The following SOX2 variants were observed in gnomAD, a reference collection of about 807,000 sequenced individuals.
SOX2 encodes transcription factor SOX-2.
Under a neutral mutation model 19.7 loss-of-function variants are expected in SOX2, and 2 were observed. That is an observed-to-expected ratio of 0.10 (90% CI 0.04 to 0.32). The LOEUF (loss-of-function observed/expected upper bound fraction) is 0.32. Ranked by LOEUF, SOX2 falls within the 10% of genes least tolerant of loss-of-function variation. SOX2 has a pLI of 1.00. For synonymous variants in SOX2, 211 were observed against 196.8 expected, an observed-to-expected ratio of 1.07 and a Z score of -0.60; for missense variants, 294 against 459.9, an observed-to-expected ratio of 0.64 and a Z score of 3.30.
In SOX2 at chr3:181,713,376, G is replaced by A. The variant is rs2108524060; in HGVS notation, c.*62G>A. On this transcript the variant is annotated 3_prime_UTR_variant, in exon 1 of 1. Transcript: ENST00000325404. ...AAAGAAAAACGAGGGAAATGGGAGGGGTGCAAAAGAGGAGAGTAAGAAACA... is the reference window on the plus strand; with the variant it reads ...AAAGAAAAACGAGGGAAATGGGAGGAGTGCAAAAGAGGAGAGTAAGAAACA... 6.5e-7 allele frequency: 1 copy of A among 1,547,954 alleles called. No individual in the cohort carries two copies. The highest frequency in any genetic ancestry group is 8.7e-7 in the Non-Finnish European group (1 of 1,144,726).
chr3:181,713,481 A>G lies in SOX2; in HGVS notation c.*167A>G, dbSNP rs1714893519. 1.1e-6 allele frequency: 1 copy of G among 908,930 alleles called. No individual in the cohort carries two copies. Among genetic ancestry groups the G allele is most frequent in the Admixed American group, 2.6e-5 (1 of 38,678 alleles). The allele number at this position is 908,930 out of a possible 1,614,324, so 56.3% of individuals were successfully genotyped here. On this transcript the variant is annotated 3_prime_UTR_variant, in exon 1 of 1. Transcript: ENST00000325404. ...CACCCACAGCAAATGACAGCTGCAAAAGAGAACACCAATCCCATCCACACT... is the reference window on the plus strand; with the variant it reads ...CACCCACAGCAAATGACAGCTGCAAGAGAGAACACCAATCCCATCCACACT...
rs1205548801 is a variant in SOX2, at chr3:181,714,385, T to G, written c.*1071T>G. 2 of 234,340 alleles carry G rather than the reference T, an allele frequency of 8.5e-6. No homozygotes were observed. Among genetic ancestry groups the G allele is most frequent in the Non-Finnish European group, 1.8e-5 (2 of 109,660 alleles). The allele number at this position is 234,340 out of a possible 1,614,324, so 14.5% of individuals were successfully genotyped here. A position where few individuals can be genotyped will look rare whatever the true frequency, so the allele number is the denominator to read the frequency against. ...GTACATTTTCAACTTAAGTTTTTAC[T>G]CCATTATGCACAGTTTGAGATAAAT... On this transcript the variant is annotated 3_prime_UTR_variant, in exon 1 of 1. Transcript: ENST00000325404.
chr3:181,712,843 G>A lies in SOX2; in HGVS notation c.483G>A (p.Ala161=), dbSNP rs747024121. 1 of 1,607,378 alleles carries A rather than the reference G, an allele frequency of 6.2e-7. No homozygotes were observed. The highest frequency in any genetic ancestry group is 1.1e-5 in the South Asian group (1 of 90,554). The change falls in exon 1 of 1, where the codon GCG becomes GCA. Residue 161 remains alanine (A), a synonymous_variant. Transcript: ENST00000325404. The surrounding 1 kb of genome is among the most constrained non-coding windows in gnomAD (Gnocchi z 8.5). ...AGVNQRMDSY[A]HMNGWSNGSY... is the part of the protein sequence containing the mutation. ...TGAACCAGCGCATGGACAGTTACGC[G>A]CACATGAACGGCTGGAGCAACGGCA...
In SOX2 at chr3:181,714,266, G is replaced by C. The variant is rs1714927336; in HGVS notation, c.*952G>C. 4.2e-6 allele frequency: 1 copy of C among 236,656 alleles called. No individual in the cohort carries two copies. Among genetic ancestry groups the C allele is most frequent in the Non-Finnish European group, 9.0e-6 (1 of 111,232 alleles). The allele number at this position is 236,656 out of a possible 1,614,324, so 14.7% of individuals were successfully genotyped here. A position where few individuals can be genotyped will look rare whatever the true frequency, so the allele number is the denominator to read the frequency against. Reference sequence around the variant, plus strand: ...TAAGGTTTTCCCCCCTTTATTTTCCGTAGTTGTATTTTAAAAGATTCGGCT... The same window carrying C: ...TAAGGTTTTCCCCCCTTTATTTTCCCTAGTTGTATTTTAAAAGATTCGGCT... On this transcript the variant is annotated 3_prime_UTR_variant, in exon 1 of 1. Coordinates refer to ENST00000325404, the MANE Select transcript of SOX2 (RefSeq NM_003106.4).
Position 181,712,329 on chromosome 3 carries a change from G to A in SOX2, c.-32G>A, listed in dbSNP as rs2108521185. ...CCGGCCGGGCCGAGGGTCGGCGGCC[G>A]CCGGCGGGCCGGGCCCGCGCACAGC... On this transcript the variant is annotated 5_prime_UTR_variant, in exon 1 of 1. Transcript: ENST00000325404. The surrounding 1 kb of genome is among the most constrained non-coding windows in gnomAD (Gnocchi z 8.5). The A allele has an allele frequency of 7.5e-7, 1 of 1,334,598 alleles. No individual in the cohort carries two copies. The highest frequency in any genetic ancestry group is 9.5e-7 in the Non-Finnish European group (1 of 1,049,284). The allele number at this position is 1,334,598 out of a possible 1,614,324, so 82.7% of individuals were successfully genotyped here. A position where few individuals can be genotyped will look rare whatever the true frequency, so the allele number is the denominator to read the frequency against.
In SOX2 at chr3:181,712,504, C is replaced by T. The variant is rs751117691; in HGVS notation, c.144C>T (p.Phe48=). 3 of 1,614,110 alleles carry T rather than the reference C, an allele frequency of 1.9e-6. No individual in the cohort carries two copies. The South Asian group carries it at 3.3e-5, about 18-fold the overall frequency. The stretch of plus-strand genomic sequence containing the variant: ...GCGTCAAGCGGCCCATGAATGCCTT[C>T]ATGGTGTGGTCCCGCGGGCAGCGGC... The part of the protein sequence containing the change: ...PDRVKRPMNA[F]MVWSRGQRRK... The change falls in exon 1 of 1, where the codon TTC becomes TTT. Residue 48 remains phenylalanine (F), a synonymous_variant. Coordinates refer to ENST00000325404, the MANE Select transcript of SOX2 (RefSeq NM_003106.4). The surrounding 1 kb of genome is among the most constrained non-coding windows in gnomAD (Gnocchi z 8.5).
rs750656301 is a variant in SOX2, at chr3:181,712,935, C to T, written c.575C>T (p.Ala192Val). 2.0e-5 allele frequency: 32 copies of T among 1,613,688 alleles called. No homozygotes were observed. In the South Asian group the frequency reaches 3.5e-4, roughly 18 times the overall value. ...QHPGLNAHGA[A>V]QMQPMHRYDV... The stretch of plus-strand genomic sequence containing the variant: ...CCGGGCCTCAATGCGCACGGCGCAG[C>T]GCAGATGCAGCCCATGCACCGCTAC... Residue 192 changes from alanine (A) to valine (V), a missense_variant, in exon 1 of 1, where the codon GCG becomes GTG. Physicochemically the swap from Ala to Val is moderately conservative, Grantham distance 64. This residue lies in a region of SOX2 where 223 missense variants were observed against 292.7 expected (regional missense o/e 0.76). Transcript: ENST00000325404. This position sits in a 1 kb window ranked among gnomAD's most constrained non-coding sequence, Gnocchi z 8.5.
chr3:181,713,387 G>A lies in SOX2; in HGVS notation c.*73G>A. The A allele has an allele frequency of 6.5e-7, 1 of 1,541,838 alleles. No homozygotes were observed. The highest frequency in any genetic ancestry group is 8.8e-7 in the Non-Finnish European group (1 of 1,139,374). On this transcript the variant is annotated 3_prime_UTR_variant, in exon 1 of 1. Transcript: ENST00000325404. The stretch of plus-strand genomic sequence containing the variant: ...AGGGAAATGGGAGGGGTGCAAAAGA[G>A]GAGAGTAAGAAACAGCATGGAGAAA...
At position 181,713,320 on chromosome 3, in the gene SOX2, G is replaced by A. The variant is rs1273169913; in HGVS notation, c.*6G>A. 6.4e-7 allele frequency: 1 copy of A among 1,562,604 alleles called. No individual in the cohort carries two copies. The highest frequency in any genetic ancestry group is 1.2e-5 in the South Asian group (1 of 86,044). ...TGCCCCTCTCACACATGTGAGGGCCGGACAGCGAACTGGAGGGGGGAGAAA... is the reference window on the plus strand; with the variant it reads ...TGCCCCTCTCACACATGTGAGGGCCAGACAGCGAACTGGAGGGGGGAGAAA... On this transcript the variant is annotated 3_prime_UTR_variant, in exon 1 of 1. Coordinates refer to ENST00000325404, the MANE Select transcript of SOX2 (RefSeq NM_003106.4).
rs2108523374 is a variant in SOX2 at position 181,713,123 on chromosome 3, G to A, written c.763G>A (p.Val255Ile). ...KSEASSSPPV[V>I]TSSSHSRAPC... is the part of the protein sequence containing the mutation. ...CGAGGCCAGCTCCAGCCCCCCTGTGGTTACCTCTTCCTCCCACTCCAGGGC... is the reference window on the plus strand; with the variant it reads ...CGAGGCCAGCTCCAGCCCCCCTGTGATTACCTCTTCCTCCCACTCCAGGGC... The change falls in exon 1 of 1, where the codon GTT becomes ATT. Residue 255 changes from valine (V) to isoleucine (I), a missense_variant. Transcript: ENST00000325404. 1 of 1,613,796 alleles carries A rather than the reference G, an allele frequency of 6.2e-7. No individual in the cohort carries two copies. Among genetic ancestry groups the A allele is most frequent in the Non-Finnish European group, 8.5e-7 (1 of 1,180,032 alleles).
Position 181,712,320 on chromosome 3 carries a change from TCGGCGGCCGC to T in SOX2, c.-34_-25del. 1.5e-6 allele frequency: 2 copies of T among 1,318,508 alleles called. No homozygotes were observed. The highest frequency in any genetic ancestry group is 6.4e-5 in the East Asian group (2 of 31,380). The allele number at this position is 1,318,508 out of a possible 1,614,324, so 81.7% of individuals were successfully genotyped here. A position where few individuals can be genotyped will look rare whatever the true frequency, so the allele number is the denominator to read the frequency against. On this transcript the variant is annotated 5_prime_UTR_variant, in exon 1 of 1. Transcript: ENST00000325404. The surrounding 1 kb of genome is among the most constrained non-coding windows in gnomAD (Gnocchi z 8.5). ...CCCAAAGTCCCGGCCGGGCCGAGGG[TCGGCGGCCGC>T]CGGCGGGCCGGGCCCGCGCACAGCG...
In SOX2 at chr3:181,712,588, C is replaced by G. The variant is rs753244099; in HGVS notation, c.228C>G (p.Gly76=). The part of the protein sequence containing the change: ...MHNSEISKRL[G]AEWKLLSETE... ...ACTCGGAGATCAGCAAGCGCCTGGGCGCCGAGTGGAAACTTTTGTCGGAGA... is the reference window on the plus strand; with the variant it reads ...ACTCGGAGATCAGCAAGCGCCTGGGGGCCGAGTGGAAACTTTTGTCGGAGA... Residue 76 remains glycine, a synonymous_variant, in exon 1 of 1, where the codon GGC becomes GGG. Coordinates refer to ENST00000325404, the MANE Select transcript of SOX2 (RefSeq NM_003106.4). This position sits in a 1 kb window ranked among gnomAD's most constrained non-coding sequence, Gnocchi z 8.5. The G allele has an allele frequency of 1.9e-6, 3 of 1,614,230 alleles. No individual in the cohort carries two copies. Among genetic ancestry groups the G allele is most frequent in the Non-Finnish European group, 2.5e-6 (3 of 1,180,030 alleles).
At position 181,712,885 on chromosome 3, in the gene SOX2, G is replaced by T. The variant is rs1202812531; in HGVS notation, c.525G>T (p.Gln175His). ...GWSNGSYSMM[Q>H]DQLGYPQHPG... ...GCAACGGCAGCTACAGCATGATGCA[G>T]GACCAGCTGGGCTACCCGCAGCACC... Residue 175 changes from glutamine to histidine, a missense_variant, in exon 1 of 1, where the codon CAG becomes CAT. Gln to His is a conservative substitution (Grantham distance 24). This residue lies in a region of SOX2 where 223 missense variants were observed against 292.7 expected (regional missense o/e 0.76). Coordinates refer to ENST00000325404, the MANE Select transcript of SOX2 (RefSeq NM_003106.4). This position sits in a 1 kb window ranked among gnomAD's most constrained non-coding sequence, Gnocchi z 8.5. The T allele has an allele frequency of 6.2e-7, 1 of 1,611,724 alleles. No homozygotes were observed. Among genetic ancestry groups the T allele is most frequent in the South Asian group, 1.1e-5 (1 of 91,002 alleles).
rs2108524147 is a variant in SOX2, at chr3:181,713,423, C to A, written c.*109C>A. On this transcript the variant is annotated 3_prime_UTR_variant, in exon 1 of 1. Transcript: ENST00000325404. The stretch of plus-strand genomic sequence containing the variant: ...AACAGCATGGAGAAAACCCGGTACG[C>A]TCAAAAAGAAAAAGGAAAAAAAAAA... 1 of 1,377,520 alleles carries A rather than the reference C, an allele frequency of 7.3e-7. No individual in the cohort carries two copies. Among genetic ancestry groups the A allele is most frequent in the Non-Finnish European group, 9.9e-7 (1 of 1,005,044 alleles). The allele number at this position is 1,377,520 out of a possible 1,614,324, so 85.3% of individuals were successfully genotyped here.
In SOX2 at chr3:181,714,308, A is replaced by T. The variant is rs771176305; in HGVS notation, c.*994A>T. Reference sequence around the variant, plus strand: ...GATTCGGCTCTGTATTATTTGAATCAGTCTGCCGAGAATCCATGTATATAT... The same window carrying T: ...GATTCGGCTCTGTATTATTTGAATCTGTCTGCCGAGAATCCATGTATATAT... On this transcript the variant is annotated 3_prime_UTR_variant, in exon 1 of 1. Coordinates refer to ENST00000325404, the MANE Select transcript of SOX2 (RefSeq NM_003106.4). 2.1e-5 allele frequency: 5 copies of T among 239,002 alleles called. No homozygotes were observed. The highest frequency in any genetic ancestry group is 1.8e-4 in the South Asian group (1 of 5,452). The allele number at this position is 239,002 out of a possible 1,614,324, so 14.8% of individuals were successfully genotyped here. A position where few individuals can be genotyped will look rare whatever the true frequency, so the allele number is the denominator to read the frequency against.
chr3:181,713,047 G>T lies in SOX2; in HGVS notation c.687G>T (p.Gln229His). Residue 229 changes from glutamine to histidine, a missense_variant, in exon 1 of 1, where the codon CAG (glutamine) becomes CAT (histidine). Around this residue, in one of 3 missense-constraint regions of SOX2, gnomAD observed 223 missense variants for 292.7 expected, o/e 0.76. Coordinates refer to ENST00000325404, the MANE Select transcript of SOX2 (RefSeq NM_003106.4). ...GSPTYSMSYS[Q>H]QGTPGMALGS... ...CCACCTACAGCATGTCCTACTCGCA[G>T]CAGGGCACCCCTGGCATGGCTCTTG... 1 of 1,613,800 alleles carries T rather than the reference G, an allele frequency of 6.2e-7. No homozygotes were observed. The highest frequency in any genetic ancestry group is 8.5e-7 in the Non-Finnish European group (1 of 1,180,034).
chr3:181,713,430 AG>A lies in SOX2; in HGVS notation c.*117del, dbSNP rs1239852800. 2 of 1,362,466 alleles carry A rather than the reference AG, an allele frequency of 1.5e-6. No individual in the cohort carries two copies. The highest frequency in any genetic ancestry group is 2.0e-6 in the Non-Finnish European group (2 of 990,236). 84.4% of individuals were successfully genotyped at this position (1,362,466 alleles called of 1,614,324 possible). ...TGGAGAAAACCCGGTACGCTCAAAA[AG>A]AAAAAGGAAAAAAAAAAATCCCATC... On this transcript the variant is annotated 3_prime_UTR_variant, in exon 1 of 1. Coordinates refer to ENST00000325404, the MANE Select transcript of SOX2 (RefSeq NM_003106.4).
At position 181,713,605 on chromosome 3, in the gene SOX2, T is replaced by TGGGGTGGGGG; in HGVS notation, c.*295_*296insTGGGGGGGGG. Reference sequence around the variant, plus strand: ...TTGTACAGAGAAAACCTGGGGAGGGTGGGGAGGGCGGGGGAATGGACCTTG... The same window carrying TGGGGTGGGGG: ...TTGTACAGAGAAAACCTGGGGAGGGTGGGGTGGGGGGGGGAGGGCGGGGGAATGGACCTTG... On this transcript the variant is annotated 3_prime_UTR_variant, in exon 1 of 1. Coordinates refer to ENST00000325404, the MANE Select transcript of SOX2 (RefSeq NM_003106.4). 1 of 69,164 alleles carries TGGGGTGGGGG rather than the reference T, an allele frequency of 1.4e-5. No homozygotes were observed. The highest frequency in any genetic ancestry group is 3.1e-5 in the Non-Finnish European group (1 of 32,502). 4.3% of individuals were successfully genotyped at this position (69,164 alleles called of 1,614,324 possible).
chr3:181,713,668 T>G lies in SOX2; in HGVS notation c.*354T>G. 2.4e-6 allele frequency: 1 copy of G among 414,326 alleles called. No individual in the cohort carries two copies. Among genetic ancestry groups the G allele is most frequent in the Non-Finnish European group, 4.5e-6 (1 of 223,004 alleles). 25.7% of individuals were successfully genotyped at this position (414,326 alleles called of 1,614,324 possible). ...GGAAAGAAAGCTACGAAAAACTTTT[T>G]AAAAGTTCTAGTGGTACGGTAGGAG... On this transcript the variant is annotated 3_prime_UTR_variant, in exon 1 of 1. Transcript: ENST00000325404.
Sources: gnomAD v4.1 joint callset for allele counts on GRCh38, gnomAD v4.1.1 for gene constraint, gnomAD v4.1.1 regional missense constraint, Gnocchi (gnomAD v3.1) non-coding constraint, MANE v1.5 for transcripts, NCBI Gene and HGNC (gene_info 2026-07-23, HGNC 2026-07-21) for gene names.